Variants in RBM19 observed in about 807,000 individuals in gnomAD.
The protein encoded by RBM19 is RNA binding motif protein 19.
RBM19 carries 94 observed loss-of-function variants against 116.8 expected under a neutral mutation model. The observed-to-expected ratio is 0.80, with a 90% CI of 0.68 to 0.95. The LOEUF is 0.95. Among genes scored for constraint, RBM19 ranks in the 40% least tolerant of loss-of-function variants. The pLI, the probability that RBM19 is intolerant of heterozygous loss-of-function variation, is 0.00. For synonymous variants in RBM19, 475 were observed against 494.1 expected (o/e 0.96, Z 0.51); for missense variants, 1,161 against 1,220.7 (o/e 0.95, Z 0.73).
intron 21 of RBM19, among the ~76,000 whole-genome samples, chr12:113,861,077 G>A (rs1030882391): frequency 6.6e-6 from 1 of 152,190 alleles, no homozygotes; most frequent in African/African-American, 2.4e-5. Context: ...TGGGAGCCAG[G>A]GATCCTTCCT....
chr12:113,945,038 A>C (rs899275795), intron 13 of RBM19, among the ~76,000 whole-genome samples: 2 of 152,180 alleles, frequency 1.3e-5, no homozygotes, highest in African/African-American at 4.8e-5. Context: ...TCTAATATAA[A>C]TGTACAACAT....
chr12:113,880,663 C>T (rs1880043789), intron 21 of RBM19, among the ~76,000 whole-genome samples: 1 of 151,092 alleles, frequency 6.6e-6, no homozygotes, highest in African/African-American at 2.4e-5. Flanking sequence ...AGACACCTTT[C>T]CAGGGAAACC....
At position 113,864,472 on chromosome 12, in the gene RBM19, G is replaced by C. The variant is rs182992519; in HGVS notation, c.2559-5576C>G. 2.2e-3 allele frequency among the ~76,000 whole-genome samples: 340 copies of C among 152,284 alleles called. 1 individual carries two copies. Among genetic ancestry groups the C allele is most frequent in the African/African-American group, 7.6e-3 (316 of 41,558 alleles). ...ACTGCTCCCCTGGCCCCATCCTAAA[G>C]AAGGGCCCCACCAGTGAACTTATGG... On this transcript the variant is annotated intron_variant, in intron 21 of 23. Transcript: ENST00000261741.
At chr12:113,890,742 C>G (rs1282599402) in intron 21 of RBM19, among the ~76,000 whole-genome samples, 3 of 152,224 alleles carry the variant, frequency 2.0e-5, no homozygotes, top group Non-Finnish European at 4.4e-5. Context: ...CGAGATCCTT[C>G]TCCCAAGGGA....
At chr12:113,961,940 G>A (rs1872531461) in intron 2 of RBM19, among the ~76,000 whole-genome samples, 1 of 152,238 alleles carries the variant, frequency 6.6e-6, no homozygotes, top group Non-Finnish European at 1.5e-5. Flanking sequence ...GGTTCTCAAG[G>A]TGTGGGCCTC....
intron 23 of RBM19, among the ~76,000 whole-genome samples, chr12:113,832,783 T>G (rs1875541406): frequency 6.6e-6 from 1 of 152,194 alleles, no homozygotes; most frequent in Non-Finnish European, 1.5e-5. Context: ...AATAACAAAT[T>G]CTGTGGCTTC....
chr12:113,909,501 T>A (rs1315479505), intron 21 of RBM19, among the ~76,000 whole-genome samples: 1 of 152,054 alleles, frequency 6.6e-6, no homozygotes, highest in Admixed American at 6.5e-5. Context: ...AGAAGGTAAC[T>A]CTCTCACAAA....
At chr12:113,889,134 C>T (rs1880758653) in intron 21 of RBM19, among the ~76,000 whole-genome samples, 1 of 152,244 alleles carries the variant, frequency 6.6e-6, no homozygotes, top group Non-Finnish European at 1.5e-5. Flanking sequence ...CTACAGGCCA[C>T]AGTCTCTCGG....
rs759670141 is a variant in RBM19 at position 113,924,723 on chromosome 12, G to A, written c.2279C>T (p.Ser760Phe). The A allele has an allele frequency of 1.6e-5, 25 of 1,553,446 alleles. No individual in the cohort carries two copies. In the Admixed American group the frequency reaches 4.2e-4, roughly 26 times the overall value. The change falls in exon 18 of 24, where the codon TCC becomes TTC. Residue 760 changes from serine to phenylalanine, a missense_variant. By Grantham distance (155) the Ser-to-Phe change is radical. Coordinates refer to ENST00000261741, the MANE Select transcript of RBM19 (RefSeq NM_016196.4). ...FSKVGTVKSC[S>F]ISKKKNKAGV... is the part of the protein sequence containing the mutation. ...TGCTTTGTTCTTCTTCTTGGAGATG[G>A]AGCAGCTCTTCACTGTCCCCACTTT...
intron 21 of RBM19, among the ~76,000 whole-genome samples, chr12:113,907,055 G>T (rs191391486): frequency 6.6e-6 from 1 of 152,086 alleles, no homozygotes; most frequent in Non-Finnish European, 1.5e-5. Flanking sequence ...TGCAGCCTTC[G>T]GAGGCAGCAT....
At chr12:113,845,347 C>T (rs1876870659) in intron 22 of RBM19, among the ~76,000 whole-genome samples, 1 of 152,094 alleles carries the variant, frequency 6.6e-6, no homozygotes, top group Admixed American at 6.5e-5. Flanking sequence ...CCAGCTCCCA[C>T]CCCCAGCTCA....
At chr12:113,910,597 C>A (rs1882365959) in intron 21 of RBM19, among the ~76,000 whole-genome samples, 1 of 152,160 alleles carries the variant, frequency 6.6e-6, no homozygotes, top group Non-Finnish European at 1.5e-5. Flanking sequence ...AATGGGCAAG[C>A]CGAGGGTCCA....
At position 113,913,379 on chromosome 12, in the gene RBM19, C is replaced by T. The variant is rs543139119; in HGVS notation, c.2558+1590G>A. 4.1e-4 allele frequency among the ~76,000 whole-genome samples: 63 copies of T among 152,156 alleles called. No homozygotes were observed. In the South Asian group the frequency reaches 6.7e-3, roughly 16 times the overall value. On this transcript the variant is annotated intron_variant, in intron 21 of 23. Transcript: ENST00000261741. ...GAGGTTTAGGGAAATGGGAAACCTC[C>T]CCCCAGGTCATGACCCCATCTCGCC...
intron 16 of RBM19, among the ~76,000 whole-genome samples, chr12:113,930,350 TC>T (rs2135885598): frequency 6.6e-6 from 1 of 152,312 alleles, no homozygotes; most frequent in African/African-American, 2.4e-5. Flanking sequence ...CCACCCTGCC[TC>T]CCTGGTCTAT....
intron 21 of RBM19, among the ~76,000 whole-genome samples, chr12:113,900,922 G>C (rs776793783): frequency 3.9e-5 from 6 of 152,178 alleles, no homozygotes; most frequent in African/African-American, 1.4e-4. Context: ...CATTCCCAGA[G>C]ATCTTAAATA....
intron 21 of RBM19, among the ~76,000 whole-genome samples, chr12:113,868,437 C>T (rs1167584644): frequency 6.6e-6 from 1 of 152,210 alleles, no homozygotes; most frequent in Non-Finnish European, 1.5e-5. Context: ...GTTTCTTGAA[C>T]TTGTCCTGAA....
intron 22 of RBM19, among the ~76,000 whole-genome samples, chr12:113,845,557 T>A (rs1424478669): frequency 1.3e-5 from 2 of 152,238 alleles, no homozygotes; most frequent in Middle Eastern, 3.4e-3. Context: ...CAAATCAATT[T>A]TAGAACATTT....
Position 113,947,464 on chromosome 12 carries a change from C to T in RBM19, c.1277G>A (p.Gly426Asp), listed in dbSNP as rs201227781. The T allele has an allele frequency of 1.2e-4, 198 of 1,595,296 alleles. No individual in the cohort carries two copies. Among genetic ancestry groups the T allele is most frequent in the Non-Finnish European group, 1.1e-4 (131 of 1,165,054 alleles). Residue 426 changes from glycine (G) to aspartate (D), a missense_variant and splice_region_variant, in exon 11 of 24, where the codon GGT becomes GAT. By Grantham distance (94) the Gly-to-Asp change is moderately conservative. Coordinates refer to ENST00000261741, the MANE Select transcript of RBM19 (RefSeq NM_016196.4). ...EDLEKLFSKY[G>D]PLSELHYPID... ...GGGGTAGTGGAGCTCAGACAGGGGACCTGAGGACAGGAGAAGTGTCGGTCT... is the reference window on the plus strand; with the variant it reads ...GGGGTAGTGGAGCTCAGACAGGGGATCTGAGGACAGGAGAAGTGTCGGTCT...
At chr12:113,937,308 GA>G in intron 15 of RBM19, 172 bp from the exon 16 acceptor site, 1 of 692,576 alleles carries the variant, frequency 1.4e-6, no homozygotes, top group Non-Finnish European at 2.3e-6. Context: ...ACTCCCTGAG[GA>G]CAACATTCGG....
Sources: allele counts gnomAD v4.1 joint callset (sites outside exome capture counted in the v4.1 genomes callset), GRCh38; gene constraint gnomAD v4.1.1; transcripts MANE v1.5; gene names NCBI Gene and HGNC (gene_info 2026-07-23, HGNC 2026-07-21).